Variants in GRID2 observed in about 807,000 individuals in gnomAD.
GRID2 encodes glutamate receptor ionotropic, delta-2.
In GRID2, 33 loss-of-function variants were observed where a neutral mutation model predicts 114.8. That is an observed-to-expected ratio of 0.29 (90% CI 0.22 to 0.38). The LOEUF (loss-of-function observed/expected upper bound fraction) is 0.38, where lower values mean the gene tolerates loss of function less well. GRID2 is among the 10% of genes least tolerant of loss of function. The pLI is 1.00. For synonymous variants in GRID2, 505 were observed against 449.9 expected (o/e 1.12, Z -1.55); for missense variants, 1,184 against 1,257.7 (o/e 0.94, Z 0.89).
chr4:93,568,560 A>G (rs925299009), intron 13 of GRID2, among the ~76,000 whole-genome samples: 2 of 152,208 alleles, frequency 1.3e-5, no homozygotes, highest in Middle Eastern at 3.2e-3. Context: ...TGAATCGACT[A>G]TAATAATGGA....
intron 2 of GRID2, among the ~76,000 whole-genome samples, chr4:92,611,137 T>A (rs1000104784): frequency 2.9e-5 from 4 of 136,298 alleles, no homozygotes; most frequent in Admixed American, 1.4e-4. Context: ...TGTGCATGTG[T>A]GTGTGTGCAT....
intron 4 of GRID2, among the ~76,000 whole-genome samples, chr4:93,195,856 T>C (rs1741434760): frequency 6.6e-6 from 1 of 152,164 alleles, no homozygotes; most frequent in Non-Finnish European, 1.5e-5. Context: ...TAAGCATACA[T>C]GTAAAATTTT....
chr4:93,394,589 A>C (rs1010106684), intron 8 of GRID2, among the ~76,000 whole-genome samples: 2 of 151,968 alleles, frequency 1.3e-5, no homozygotes, highest in African/African-American at 4.8e-5. Flanking sequence ...AATCATCAGG[A>C]GGAAACAGCA....
intron 1 of GRID2, among the ~76,000 whole-genome samples, chr4:92,535,771 C>T (rs549750406): frequency 7.0e-4 from 107 of 152,252 alleles, no homozygotes; most frequent in Non-Finnish European, 1.3e-3. Context: ...AGCCACGGAC[C>T]GTCGTGGTGA....
At chr4:92,730,601 G>C (rs1302761277) in intron 2 of GRID2, among the ~76,000 whole-genome samples, 2 of 151,970 alleles carry the variant, frequency 1.3e-5, no homozygotes, top group Admixed American at 1.3e-4. Context: ...CATGCTAAGT[G>C]AGTAAAGGTT....
chr4:93,366,181 C>CTT (rs1176370959), intron 8 of GRID2, among the ~76,000 whole-genome samples: 1 of 152,156 alleles, frequency 6.6e-6, no homozygotes, highest in Non-Finnish European at 1.5e-5. Context: ...ACCTTAAACT[C>CTT]TGACTGCCTG....
intron 2 of GRID2, among the ~76,000 whole-genome samples, chr4:92,881,424 T>C (rs1446405208): frequency 6.6e-6 from 1 of 152,180 alleles, no homozygotes; most frequent in Non-Finnish European, 1.5e-5. Flanking sequence ...AATCCTTCAC[T>C]GAATACTAGA....
chr4:93,715,793 C>CTT (rs1728856266), intron 14 of GRID2, among the ~76,000 whole-genome samples: 1 of 152,110 alleles, frequency 6.6e-6, no homozygotes, highest in African/African-American at 2.4e-5. Context: ...TATCCTGAGA[C>CTT]TGCTGAAGTT....
chr4:92,690,409 G>T (rs1044080110), intron 2 of GRID2, among the ~76,000 whole-genome samples: 4 of 152,192 alleles, frequency 2.6e-5, no homozygotes, highest in African/African-American at 9.6e-5. Flanking sequence ...TTATATGAGT[G>T]TCGTCCAAGT....
intron 8 of GRID2, among the ~76,000 whole-genome samples, chr4:93,256,252 G>A (rs1749571940): frequency 6.6e-6 from 1 of 151,470 alleles, no homozygotes; most frequent in Non-Finnish European, 1.5e-5. Flanking sequence ...AACTTACTGA[G>A]GACTTCATAT....
At chr4:92,648,953 G>A (rs2149259958) in intron 2 of GRID2, among the ~76,000 whole-genome samples, 1 of 128,372 alleles carries the variant, frequency 7.8e-6, no homozygotes, top group South Asian at 2.5e-4. Context: ...AATTATTTAT[G>A]TGTAGAACTA....
At chr4:93,131,486 TC>T (rs1225730708) in intron 4 of GRID2, among the ~76,000 whole-genome samples, 2 of 151,958 alleles carry the variant, frequency 1.3e-5, no homozygotes, top group African/African-American at 4.8e-5. Context: ...CAGTCTAATC[TC>T]TTTATTTTTT....
intron 1 of GRID2, among the ~76,000 whole-genome samples, chr4:92,427,661 C>T (rs144946817): frequency 1.4e-3 from 210 of 152,066 alleles, no homozygotes; most frequent in African/African-American, 4.9e-3. Context: ...AACATTTTAT[C>T]AAAATAGCAA....
At chr4:93,328,564 C>G (rs964242105) in intron 8 of GRID2, among the ~76,000 whole-genome samples, 1 of 152,120 alleles carries the variant, frequency 6.6e-6, no homozygotes, top group Non-Finnish European at 1.5e-5. Flanking sequence ...CAATCTAAAG[C>G]TATTACATAT....
At chr4:93,264,251 A>G (rs1467918897) in intron 8 of GRID2, among the ~76,000 whole-genome samples, 2 of 152,272 alleles carry the variant, frequency 1.3e-5, no homozygotes, top group East Asian at 3.9e-4. Context: ...TTCTTCATTA[A>G]TGATTGCACT....
intron 1 of GRID2, among the ~76,000 whole-genome samples, chr4:92,406,709 G>A (rs1731042759): frequency 6.6e-6 from 1 of 150,482 alleles, no homozygotes; most frequent in African/African-American, 2.4e-5. Flanking sequence ...CTTCTTTTCC[G>A]CTCCATCTAG....
intron 2 of GRID2, among the ~76,000 whole-genome samples, chr4:92,892,347 A>C (rs753864670): frequency 3.3e-5 from 5 of 152,158 alleles, no homozygotes; most frequent in Non-Finnish European, 7.3e-5. Flanking sequence ...GATGTTTTCA[A>C]ATACATTGTT....
chr4:93,444,676 T>C (rs1051851963), intron 10 of GRID2, among the ~76,000 whole-genome samples: 4 of 152,004 alleles, frequency 2.6e-5, no homozygotes, highest in African/African-American at 9.7e-5. Context: ...TGAGCATCTA[T>C]TCATGTGCTA....
Position 92,802,798 on chromosome 4 carries a change from G to A in GRID2, c.244+212512G>A, listed in dbSNP as rs549550871. Among the ~76,000 whole-genome samples, 7 of 152,018 alleles carry A rather than the reference G, an allele frequency of 4.6e-5. No homozygotes were observed. The South Asian group carries it at 1.0e-3, about 22-fold the overall frequency. On this transcript the variant is annotated intron_variant, in intron 2 of 15. Coordinates refer to ENST00000282020, the MANE Select transcript of GRID2 (RefSeq NM_001510.4). ...AAATCAAGTAGGAAGATGCCTCCAC[G>A]ATATGTTGCTGATTGTGTTATTACC...
Sources: allele counts gnomAD v4.1 joint callset (sites outside exome capture counted in the v4.1 genomes callset), GRCh38; gene constraint gnomAD v4.1.1; transcripts MANE v1.5; gene names NCBI Gene and HGNC (gene_info 2026-07-23, HGNC 2026-07-21).